ZNF385D: variants seen among roughly 807,000 people sequenced by gnomAD.
ZNF385D encodes zinc finger protein 659.
In ZNF385D, 15 loss-of-function variants were observed where a neutral mutation model predicts 35.8. That is an observed-to-expected ratio of 0.42 (90% confidence interval 0.28 to 0.64). ZNF385D has a LOEUF of 0.64. Among genes scored for constraint, ZNF385D ranks in the 30% least tolerant of loss-of-function variants. The pLI is 0.23. For synonymous variants in ZNF385D, 212 were observed against 186.8 expected, an observed-to-expected ratio of 1.13 and a Z score of -1.10; for missense variants, 474 against 494.6, an observed-to-expected ratio of 0.96 and a Z score of 0.39.
intron 3 of ZNF385D, among the ~76,000 whole-genome samples, chr3:22,042,270 G>C (rs375482115): frequency 2.6e-5 from 4 of 152,142 alleles, no homozygotes; most frequent in African/African-American, 9.6e-5. Context: ...CTTCCTTCTA[G>C]AGTTGTGGTA....
At position 21,666,101 on chromosome 3, in the gene ZNF385D, A is replaced by G. The variant is rs570365361; in HGVS notation, c.23-1073T>C. On this transcript the variant is annotated intron_variant, in intron 1 of 7. Transcript: ENST00000281523. ...TGCCTGCCATCTCGTTTTTAAAAAC[A>G]AAGTAGAGTGAGTCTCCTCGTATAA... is the stretch of plus-strand genomic sequence containing the variant. Among the ~76,000 whole-genome samples, 30 of 152,328 alleles carry G rather than the reference A, an allele frequency of 2.0e-4. No homozygotes were observed. In the East Asian group the frequency reaches 4.6e-3, roughly 24 times the overall value.
chr3:21,758,144 G>C (rs1254638475), intron 3 of ZNF385D, among the ~76,000 whole-genome samples: 2 of 152,156 alleles, frequency 1.3e-5, no homozygotes, highest in African/African-American at 4.8e-5. Flanking sequence ...CCCAAACACT[G>C]TTTGTATAAC....
chr3:21,425,433 C>T (rs1290760599), intron 6 of ZNF385D, 59 bp downstream of exon 6: 2 of 1,465,104 alleles, frequency 1.4e-6, no homozygotes, highest in Non-Finnish European at 1.8e-6. Flanking sequence ...GAAGCACACA[C>T]ATCCTGCTTA....
chr3:21,613,631 A>G (rs915964381), intron 2 of ZNF385D, among the ~76,000 whole-genome samples: 1 of 152,180 alleles, frequency 6.6e-6, no homozygotes, highest in Non-Finnish European at 1.5e-5. Context: ...ACCTCTGTTT[A>G]TTTATTAATT....
chr3:21,865,136 T>C (rs1175259743), intron 3 of ZNF385D, among the ~76,000 whole-genome samples: 1 of 150,228 alleles, frequency 6.7e-6, no homozygotes, highest in Admixed American at 6.7e-5. Flanking sequence ...TTGGTTGTTT[T>C]TCTTCTGGTC....
intron 2 of ZNF385D, among the ~76,000 whole-genome samples, chr3:21,633,091 A>G (rs1332145668): frequency 1.3e-5 from 2 of 152,116 alleles, no homozygotes; most frequent in Non-Finnish European, 2.9e-5. Context: ...ATTTAACAGA[A>G]AAAATTATCA....
Position 21,886,360 on chromosome 3 carries a change from T to TG in ZNF385D, c.326-221333dup, listed in dbSNP as rs1277556483. On this transcript the variant is annotated intron_variant, in intron 3 of 5. Coordinates refer to the ZNF385D transcript ENST00000494108. ...AGTAACCGAATCTGGCTGTGATTAATGAGGAAGAAAAAAAAAACTTTCTAC... is the reference window on the plus strand; with the variant it reads ...AGTAACCGAATCTGGCTGTGATTAATGGAGGAAGAAAAAAAAAACTTTCTAC... Among the ~76,000 whole-genome samples, 423 of 151,526 alleles carry TG rather than the reference T, an allele frequency of 2.8e-3. 2 individuals are homozygous for TG. Among genetic ancestry groups the TG allele is most frequent in the African/African-American group, 9.7e-3 (401 of 41,292 alleles).
intron 2 of ZNF385D, among the ~76,000 whole-genome samples, chr3:22,311,922 T>G (rs1703577200): frequency 6.6e-6 from 1 of 152,130 alleles, no homozygotes; most frequent in Non-Finnish European, 1.5e-5. Context: ...ATGAAGAATG[T>G]TCAGTCTTCA....
rs182246160 is a variant in ZNF385D at position 21,909,858 on chromosome 3, A to G, written c.326-244830T>C. 1.1e-4 allele frequency among the ~76,000 whole-genome samples: 17 copies of G among 152,168 alleles called. No homozygotes were observed. The East Asian group carries it at 2.7e-3, about 24-fold the overall frequency. ...GAGAATACATGGGACAACTCTTTCGAACATCAGAAAGTTTATAAGCCTAGC... is the reference window on the plus strand; with the variant it reads ...GAGAATACATGGGACAACTCTTTCGGACATCAGAAAGTTTATAAGCCTAGC... On this transcript the variant is annotated intron_variant, in intron 3 of 5. Coordinates refer to the ZNF385D transcript ENST00000494108.
chr3:21,803,871 T>C (rs140799938), intron 3 of ZNF385D, among the ~76,000 whole-genome samples: 2 of 152,194 alleles, frequency 1.3e-5, no homozygotes, highest in Non-Finnish European at 2.9e-5. Flanking sequence ...ATGGGATAAT[T>C]AATCATTGCT....
chr3:21,555,673 T>C (rs777869052), intron 3 of ZNF385D, among the ~76,000 whole-genome samples: 178 of 152,348 alleles, frequency 1.2e-3, no homozygotes, highest in Non-Finnish European at 1.9e-3. Flanking sequence ...GCAGTAAACA[T>C]GCGTGTGCTT....
chr3:21,460,166 C>T (rs1254914082), intron 4 of ZNF385D, among the ~76,000 whole-genome samples: 12 of 150,026 alleles, frequency 8.0e-5, no homozygotes, highest in African/African-American at 2.7e-4. Flanking sequence ...GATGCTCTTC[C>T]AGTAACACCA....
intron 3 of ZNF385D, among the ~76,000 whole-genome samples, chr3:22,081,089 G>C (rs554108739): frequency 1.3e-5 from 2 of 151,918 alleles, no homozygotes; most frequent in African/African-American, 4.8e-5. Context: ...ATTTTTAAAG[G>C]TCAACAACCA....
At chr3:21,535,767 G>A (rs1296886191) in intron 3 of ZNF385D, among the ~76,000 whole-genome samples, 1 of 151,790 alleles carries the variant, frequency 6.6e-6, no homozygotes, top group Admixed American at 6.6e-5. Flanking sequence ...ACTTTTACAT[G>A]TGCCCACTGT....
chr3:22,081,450 A>T (rs1700746071), intron 3 of ZNF385D, among the ~76,000 whole-genome samples: 1 of 152,220 alleles, frequency 6.6e-6, no homozygotes, highest in African/African-American at 2.4e-5. Flanking sequence ...AAGTTTTTAG[A>T]ACTATGAAAT....
At chr3:21,955,654 C>G (rs764635928) in intron 3 of ZNF385D, among the ~76,000 whole-genome samples, 1 of 152,108 alleles carries the variant, frequency 6.6e-6, no homozygotes, top group Non-Finnish European at 1.5e-5. Flanking sequence ...TCTGTTTACC[C>G]TGCTGCATAG....
intron 3 of ZNF385D, among the ~76,000 whole-genome samples, chr3:22,023,582 T>C (rs533338152): frequency 4.9e-4 from 75 of 152,282 alleles, no homozygotes; most frequent in Non-Finnish European, 8.8e-4. Context: ...AAGCTGCTTC[T>C]GGCTGAGATC....
Position 22,268,333 on chromosome 3 carries a change from TTTC to T in ZNF385D, c.107-99301_107-99299del, listed in dbSNP as rs1222853205. Among the ~76,000 whole-genome samples the T allele has an allele frequency of 2.6e-5, 4 of 152,160 alleles. No homozygotes were observed. In the South Asian group the frequency reaches 6.2e-4, roughly 24 times the overall value. On this transcript the variant is annotated intron_variant, in intron 2 of 5. Coordinates refer to the ZNF385D transcript ENST00000494108. ...AATTATATAATTGCAATAAATGTAC[TTTC>T]TTTTCTTCCATAATGTTTAATTATA...
At chr3:22,161,009 C>A (rs147204602) in intron 3 of ZNF385D, among the ~76,000 whole-genome samples, 119 of 152,196 alleles carry the variant, frequency 7.8e-4, no homozygotes, top group African/African-American at 2.5e-3. Context: ...CATTCTTAAT[C>A]TAATCTTCAA....
Sources: gnomAD v4.1 joint callset for allele counts (sites outside exome capture counted in the v4.1 genomes callset) on GRCh38, gnomAD v4.1.1 for gene constraint, MANE v1.5 for transcripts, NCBI Gene and HGNC (gene_info 2026-07-23, HGNC 2026-07-21) for gene names.